KIF1B: variants seen among roughly 807,000 people sequenced by gnomAD.
KIF1B encodes the protein kinesin-like protein KIF1B.
Under a neutral mutation model 241.9 loss-of-function variants are expected in KIF1B, and 76 were observed. The ratio of observed to expected loss-of-function variants is 0.31; its 90% confidence interval spans 0.26 to 0.38. KIF1B has a LOEUF of 0.38. Ranked by LOEUF, KIF1B falls within the 10% of genes least tolerant of loss-of-function variation. KIF1B has a pLI of 1.00. For synonymous variants in KIF1B, 750 were observed against 796.7 expected (o/e 0.94, Z 0.99); for missense variants, 1,622 against 2,271.4 (o/e 0.71, Z 5.81).
At chr1:10,293,100 T>TC (rs397740214) in intron 17 of KIF1B, among the ~76,000 whole-genome samples, 13 of 151,720 alleles carry the variant, frequency 8.6e-5, no homozygotes, top group Non-Finnish European at 1.9e-4. Flanking sequence ...TTTTTTTTTT[T>TC]CTTCCCAAAT....
At position 10,381,462 on chromosome 1, in the gene KIF1B, T is replaced by C. The variant is rs1035865508; in HGVS notation, c.*4875T>C. The C allele has an allele frequency of 9.6e-6, 2 of 207,388 alleles. No individual in the cohort carries two copies. The highest frequency in any genetic ancestry group is 4.6e-5 in the African/African-American group (2 of 43,876). 12.8% of individuals were successfully genotyped at this position (207,388 alleles called of 1,614,324 possible). Reference sequence around the variant, plus strand: ...ATACAGACTGTAAATATAGTTCTTGTATTTGTACTAATTCTGATTCTTTTG... The same window carrying C: ...ATACAGACTGTAAATATAGTTCTTGCATTTGTACTAATTCTGATTCTTTTG... On this transcript the variant is annotated 3_prime_UTR_variant, in exon 49 of 49. Transcript: ENST00000676179.
At chr1:10,212,892 A>ATATATATATATATATTG (rs1646713009) in intron 1 of KIF1B, among the ~76,000 whole-genome samples, 1 of 45,460 alleles carries the variant, frequency 2.2e-5, no homozygotes, top group Non-Finnish European at 4.8e-5. Context: ...GCGTGTGTGT[A>ATATATATATATATATTG]TATATATATA....
chr1:10,297,403 C>T (rs1358463055), intron 22 of KIF1B, among the ~76,000 whole-genome samples, 157 bp downstream of exon 22: 2 of 152,058 alleles, frequency 1.3e-5, no homozygotes, highest in African/African-American at 2.4e-5. Flanking sequence ...TTAAATCTCC[C>T]GGTAGCCTTA....
At chr1:10,343,539 C>T (rs1652478439) in intron 34 of KIF1B, among the ~76,000 whole-genome samples, 1 of 152,266 alleles carries the variant, frequency 6.6e-6, no homozygotes, top group South Asian at 2.1e-4. Context: ...AGGTGGATCA[C>T]CTGAGGTCAG....
chr1:10,259,428 C>T (rs1365149946), intron 4 of KIF1B, among the ~76,000 whole-genome samples: 2 of 151,524 alleles, frequency 1.3e-5, no homozygotes, highest in African/African-American at 2.4e-5. Flanking sequence ...GATCCTCCTG[C>T]CTTAGCCTCC....
At chr1:10,327,324 AC>A (rs1651761225) in intron 27 of KIF1B, among the ~76,000 whole-genome samples, 1 of 151,866 alleles carries the variant, frequency 6.6e-6, no homozygotes, top group Non-Finnish European at 1.5e-5. Context: ...ACACGGTGAA[AC>A]CCCGTCTCTA....
chr1:10,319,987 C>A lies in KIF1B; in HGVS notation c.2116-56C>A. 2.6e-6 allele frequency: 3 copies of A among 1,138,204 alleles called. No individual in the cohort carries two copies. In the South Asian group the frequency reaches 3.8e-5, roughly 15 times the overall value. The allele number at this position is 1,138,204 out of a possible 1,614,324, so 70.5% of individuals were successfully genotyped here. ...CCCAATATTCCTTCCATTTCTCTTT[C>A]CCTGCCCTCTTATTTCTTCCCTCTC... On this transcript the variant is annotated intron_variant, in intron 22 of 48. Coordinates refer to ENST00000676179, the MANE Select transcript of KIF1B (RefSeq NM_001365951.3).
At chr1:10,253,271 C>T (rs1430382993) in intron 2 of KIF1B, among the ~76,000 whole-genome samples, 1 of 152,090 alleles carries the variant, frequency 6.6e-6, no homozygotes, top group African/African-American at 2.4e-5. Context: ...ACTTATTTAA[C>T]CTCTCTGTGA....
chr1:10,304,456 C>CGCCATATTCA, intron 22 of KIF1B: 1 of 1,610,816 alleles, frequency 6.2e-7, no homozygotes. Flanking sequence ...CCAGGCAAAG[C>CGCCATATTCA]GCCATATTCA....
chr1:10,291,093 G>A lies in KIF1B; in HGVS notation c.1446G>A (p.Lys482=), dbSNP rs1348600720. ...EAIERLKESE[K]IIAELNETWE... Reference sequence around the variant, plus strand: ...GCTTCCTTCCTTAGGAATCAGAGAAGATCATTGCTGAGTTGAATGAAACTT... The same window carrying A: ...GCTTCCTTCCTTAGGAATCAGAGAAAATCATTGCTGAGTTGAATGAAACTT... The change falls in exon 16 of 49, where the codon AAG becomes AAA. Residue 482 remains lysine, a synonymous_variant. Coordinates refer to ENST00000676179, the MANE Select transcript of KIF1B (RefSeq NM_001365951.3). 2 of 1,613,166 alleles carry A rather than the reference G, an allele frequency of 1.2e-6. No individual in the cohort carries two copies. Among genetic ancestry groups the A allele is most frequent in the Non-Finnish European group, 8.5e-7 (1 of 1,179,388 alleles).
rs70998362 is a variant in KIF1B, at chr1:10,216,957, CTTTTTTTTTTTTTTTTTTTT to C, written c.-80+6094_-80+6113del. On this transcript the variant is annotated intron_variant, in intron 1 of 48. Coordinates refer to ENST00000676179, the MANE Select transcript of KIF1B (RefSeq NM_001365951.3). ...TTTCCCTGCAGTACTTGCCCATTTT[CTTTTTTTTTTTTTTTTTTTT>C]TTTTTTTTTTTTTTGAGACAGAGTC... is the stretch of plus-strand genomic sequence containing the variant. Among the ~76,000 whole-genome samples the C allele has an allele frequency of 4.6e-3, 253 of 54,558 alleles. 2 individuals carry two copies. Among genetic ancestry groups the C allele is most frequent in the African/African-American group, 0.015 (235 of 15,262 alleles). The allele number at this position is 54,558 out of a possible 152,430, so 35.8% of individuals were successfully genotyped here.
At position 10,303,109 on chromosome 1, in the gene KIF1B, T is replaced by C; in HGVS notation, c.2115+5863T>C. On this transcript the variant is annotated intron_variant, in intron 22 of 48. Transcript: ENST00000676179. The surrounding 1 kb of genome is among the most constrained non-coding windows in gnomAD (Gnocchi z 5.2). ...TTTCTTCGATTTAATTTTCCTTTTT[T>C]ACATTTTAATTTTGGTTATTTTGGG... 1 of 1,572,996 alleles carries C rather than the reference T, an allele frequency of 6.4e-7. No individual in the cohort carries two copies. Among genetic ancestry groups the C allele is most frequent in the Non-Finnish European group, 8.6e-7 (1 of 1,162,958 alleles).
At chr1:10,264,795 G>A (rs1648356129) in intron 5 of KIF1B, among the ~76,000 whole-genome samples, 3 of 151,710 alleles carry the variant, frequency 2.0e-5, no homozygotes, top group Admixed American at 1.3e-4. Context: ...CCGAGAGGCT[G>A]GGATTACAGG....
At chr1:10,345,093 C>CT (rs1355657879) in intron 34 of KIF1B, among the ~76,000 whole-genome samples, 1 of 151,948 alleles carries the variant, frequency 6.6e-6, no homozygotes, top group African/African-American at 2.4e-5. Context: ...ACTCAGGAAG[C>CT]TGAGGTGGGA....
Position 10,342,737 on chromosome 1 carries a change from T to A in KIF1B, c.3633-495T>A, listed in dbSNP as rs144353261. Among the ~76,000 whole-genome samples, 773 of 152,352 alleles carry A rather than the reference T, an allele frequency of 5.1e-3. 10 individuals are homozygous for A. The highest frequency in any genetic ancestry group is 0.018 in the African/African-American group (749 of 41,590). On this transcript the variant is annotated intron_variant, in intron 33 of 48. Coordinates refer to ENST00000676179, the MANE Select transcript of KIF1B (RefSeq NM_001365951.3). ...AAAGGGAATTAAAACATGCTATTGA[T>A]ACCAACATCCAACTCTTTGTAGTCT...
chr1:10,371,750 T>G (rs572739883), intron 45 of KIF1B, among the ~76,000 whole-genome samples: 2 of 152,224 alleles, frequency 1.3e-5, no homozygotes, highest in South Asian at 4.1e-4. Flanking sequence ...CTGGGCAACA[T>G]AGCGATATGC....
intron 35 of KIF1B, among the ~76,000 whole-genome samples, chr1:10,346,739 T>TG (rs544401437): frequency 1.2e-4 from 18 of 152,348 alleles, no homozygotes; most frequent in Admixed American, 9.2e-4. Context: ...GCATAGAATA[T>TG]GGTAAAGACT....
rs768537254 is a variant in KIF1B at position 10,303,667 on chromosome 1, G to C, written c.2115+6421G>C. ...CAAGGTTCATATAGACAAGCTGGAAGATATTTTGCAAGAAGTCAAAAAGCA... is the reference window on the plus strand; with the variant it reads ...CAAGGTTCATATAGACAAGCTGGAACATATTTTGCAAGAAGTCAAAAAGCA... On this transcript the variant is annotated intron_variant, in intron 22 of 48. Coordinates refer to ENST00000676179, the MANE Select transcript of KIF1B (RefSeq NM_001365951.3). The surrounding 1 kb of genome is among the most constrained non-coding windows in gnomAD (Gnocchi z 5.2). 4 of 1,614,204 alleles carry C rather than the reference G, an allele frequency of 2.5e-6. No homozygotes were observed. Among genetic ancestry groups the C allele is most frequent in the South Asian group, 2.2e-5 (2 of 91,082 alleles).
At chr1:10,304,343 C>T in intron 22 of KIF1B, 1 of 1,614,210 alleles carries the variant, frequency 6.2e-7, no homozygotes, top group Non-Finnish European at 8.5e-7. Flanking sequence ...AGAAGCAATT[C>T]TCTCAATAAT....
Sources: gnomAD v4.1 joint callset for allele counts (sites outside exome capture counted in the v4.1 genomes callset) on GRCh38, gnomAD v4.1.1 for gene constraint, Gnocchi (gnomAD v3.1) non-coding constraint, MANE v1.5 for transcripts, NCBI Gene and HGNC (gene_info 2026-07-23, HGNC 2026-07-21) for gene names.